Variants in TMEM71 observed in about 807,000 individuals in gnomAD.
The protein encoded by TMEM71 is transmembrane protein 71.
A neutral mutation model predicts 38.0 loss-of-function variants in TMEM71; 44 were observed. That is an observed-to-expected ratio of 1.16 (90% confidence interval 0.91 to 1.49). The LOEUF is 1.49. TMEM71 is among the 40% of genes most tolerant of loss of function. The pLI is 0.00. For synonymous variants in TMEM71, 133 were observed against 122.5 expected (o/e 1.09, Z -0.56); for missense variants, 367 against 348.6 (o/e 1.05, Z -0.42).
At chr8:132,752,067 A>C in intron 3 of TMEM71, 70 bp from the exon 4 acceptor site, 417 of 1,270,480 alleles carry the variant, frequency 3.3e-4, no homozygotes, top group Non-Finnish European at 4.2e-4. Flanking sequence ...ACCATGTCTC[A>C]TCACTGTGAA....
chr8:132,773,892 C>T, the TMEM71 span, among the ~76,000 whole-genome samples: 1 of 152,004 alleles, frequency 6.6e-6, no homozygotes, highest in Admixed American at 6.6e-5. Flanking sequence ...AATCCAGCAC[C>T]CAAATCTCCA....
intron 3 of TMEM71, among the ~76,000 whole-genome samples, chr8:132,753,709 A>G (rs1828854994): frequency 6.6e-6 from 1 of 152,206 alleles, no homozygotes; most frequent in Non-Finnish European, 1.5e-5. Flanking sequence ...TGCTTAGGTG[A>G]GTAACATTAA....
In TMEM71 at chr8:132,746,853, C is replaced by T. The variant is rs1321380526; in HGVS notation, c.487+89G>A. 1.4e-5 allele frequency: 15 copies of T among 1,076,080 alleles called. No homozygotes were observed. The East Asian group carries it at 3.4e-4, about 24-fold the overall frequency. The allele number at this position is 1,076,080 out of a possible 1,614,324, so 66.7% of individuals were successfully genotyped here. The stretch of plus-strand genomic sequence containing the variant: ...TCTCTCCATCAAAATGACTGTCATC[C>T]CTGGAACTGACATTGGTTGAGGACC... On this transcript the variant is annotated intron_variant, in intron 5 of 9. Coordinates refer to ENST00000677595, the MANE Select transcript of TMEM71 (RefSeq NM_001382403.1).
upstream of TMEM71, among the ~76,000 whole-genome samples, chr8:132,764,361 T>C (rs918301443): frequency 2.6e-5 from 4 of 151,942 alleles, no homozygotes; most frequent in Non-Finnish European, 5.9e-5. Context: ...CCAAAGTCAC[T>C]TGGCCTCTCT....
chr8:132,731,575 G>A (rs999907121), intron 5 of TMEM71, among the ~76,000 whole-genome samples: 2 of 152,158 alleles, frequency 1.3e-5, no homozygotes, highest in Non-Finnish European at 1.5e-5. Context: ...AAGTGCCCCA[G>A]CAGAGGGTAA....
upstream of TMEM71, among the ~76,000 whole-genome samples, chr8:132,761,979 T>C (rs996130305): frequency 2.0e-5 from 3 of 152,126 alleles, no homozygotes; most frequent in African/African-American, 7.2e-5. Context: ...TAATGCTCGA[T>C]TGGAACTGGG....
chr8:132,765,758 C>A, the TMEM71 span, among the ~76,000 whole-genome samples: 4 of 151,346 alleles, frequency 2.6e-5, no homozygotes, highest in African/African-American at 9.7e-5. Flanking sequence ...TCTAACACAT[C>A]TTTTTATTAT....
At chr8:132,761,239 G>A (rs539999982), upstream of TMEM71, among the ~76,000 whole-genome samples, 63 of 151,832 alleles carry the variant, frequency 4.1e-4, no homozygotes, top group Non-Finnish European at 5.4e-4. Flanking sequence ...GAAAGAGTGC[G>A]GATTCTGGGG....
chr8:132,734,187 C>A (rs890038455), intron 5 of TMEM71, among the ~76,000 whole-genome samples: 6 of 151,624 alleles, frequency 4.0e-5, no homozygotes, highest in African/African-American at 1.5e-4. Flanking sequence ...CATACACATA[C>A]ACACACACAC....
upstream of TMEM71, among the ~76,000 whole-genome samples, chr8:132,764,808 G>T (rs1222513522): frequency 2.0e-5 from 3 of 152,184 alleles, no homozygotes; most frequent in Non-Finnish European, 4.4e-5. Flanking sequence ...TGTCCATGTT[G>T]GTTCCTCCTG....
At chr8:132,741,520 G>A (rs941699292) in intron 5 of TMEM71, among the ~76,000 whole-genome samples, 4 of 151,940 alleles carry the variant, frequency 2.6e-5, no homozygotes, top group Non-Finnish European at 5.9e-5. Flanking sequence ...GGTAAAGAGT[G>A]TGAGTCATCT....
At chr8:132,766,571 A>G in the TMEM71 span, among the ~76,000 whole-genome samples, 17 of 152,106 alleles carry the variant, frequency 1.1e-4, no homozygotes, top group Admixed American at 1.1e-3. Flanking sequence ...AGGCCGAGGT[A>G]GGCGGATCAC....
chr8:132,736,750 G>A (rs1827768955), intron 5 of TMEM71, among the ~76,000 whole-genome samples: 1 of 151,934 alleles, frequency 6.6e-6, no homozygotes, highest in African/African-American at 2.4e-5. Context: ...AGAATTGCTT[G>A]AGCCCACGAG....
intron 6 of TMEM71, among the ~76,000 whole-genome samples, chr8:132,724,294 C>G (rs959687210): frequency 2.9e-4 from 44 of 152,110 alleles, no homozygotes; most frequent in African/African-American, 9.2e-4. Context: ...CTGCAGGAGA[C>G]CAGGGCATAT....
intron 5 of TMEM71, among the ~76,000 whole-genome samples, chr8:132,731,739 G>A (rs1827467759): frequency 6.6e-6 from 1 of 152,182 alleles, no homozygotes. Context: ...AGGAAGAAAG[G>A]AAAGAATCAA....
At chr8:132,767,085 C>T in the TMEM71 span, among the ~76,000 whole-genome samples, 51 of 152,298 alleles carry the variant, frequency 3.3e-4, no homozygotes, top group African/African-American at 1.2e-3. Flanking sequence ...AAGCCTTGTA[C>T]CCTGTGAATA....
At chr8:132,732,174 C>T (rs1445010912) in intron 5 of TMEM71, among the ~76,000 whole-genome samples, 2 of 152,134 alleles carry the variant, frequency 1.3e-5, no homozygotes, top group African/African-American at 4.8e-5. Flanking sequence ...GAGGTAATTG[C>T]TACAACAAAG....
chr8:132,717,590 A>T (rs1826603373), intron 7 of TMEM71, among the ~76,000 whole-genome samples: 3 of 152,208 alleles, frequency 2.0e-5, no homozygotes, highest in Admixed American at 2.0e-4. Context: ...GACAGACAAT[A>T]ACAAATGTTG....
upstream of TMEM71, among the ~76,000 whole-genome samples, chr8:132,761,372 T>C (rs2131223979): frequency 6.6e-6 from 1 of 152,346 alleles, no homozygotes; most frequent in South Asian, 2.1e-4. Flanking sequence ...ATATGATGGC[T>C]TGAAGAATTA....
Sources: gnomAD v4.1 joint callset for allele counts (sites outside exome capture counted in the v4.1 genomes callset) on GRCh38, gnomAD v4.1.1 for gene constraint, MANE v1.5 for transcripts, NCBI Gene and HGNC (gene_info 2026-07-23, HGNC 2026-07-21) for gene names.